FOXK1: variants seen among roughly 807,000 people sequenced by gnomAD.
FOXK1 encodes forkhead box protein K1.
A neutral mutation model predicts 51.9 loss-of-function variants in FOXK1; 19 were observed. That is an observed-to-expected ratio of 0.37 (90% CI 0.26 to 0.54). The LOEUF (loss-of-function observed/expected upper bound fraction) is 0.54. Among genes scored for constraint, FOXK1 ranks in the 20% least tolerant of loss-of-function variants. The probability of loss-of-function intolerance (pLI) is 0.87; values close to 1 mark genes in which losing one functional copy is unlikely to be tolerated. For synonymous variants in FOXK1, 537 were observed against 482.6 expected (o/e 1.11, Z -1.48); for missense variants, 870 against 1,032.7 (o/e 0.84, Z 2.16).
chr7:4,741,128 CACGTGCATGGAAATACAGAAAGT>C, intron 2 of FOXK1, 105 bp downstream of exon 2: 1 of 774,954 alleles, frequency 1.3e-6, no homozygotes, highest in South Asian at 2.3e-5. Context: ...TGGAAAGTTG[CACGTGCATGGAAATACAGAAAGT>C]GTTGTACGTC....
intron 1 of FOXK1, among the ~76,000 whole-genome samples, chr7:4,701,864 G>A (rs539749433): frequency 1.3e-5 from 2 of 152,384 alleles, no homozygotes; most frequent in East Asian, 3.9e-4. Flanking sequence ...CTGCACTCCA[G>A]CCTGGGCGAT....
intron 5 of FOXK1, among the ~76,000 whole-genome samples, chr7:4,757,487 G>A (rs1335849969): frequency 2.0e-5 from 3 of 151,370 alleles, no homozygotes; most frequent in Admixed American, 6.6e-5. Flanking sequence ...AAAATTAGTC[G>A]GGCATGGTGG....
In FOXK1 at chr7:4,747,464, A is replaced by C. The variant is rs529247129; in HGVS notation, c.746+6441A>C. ...CCAGGGCAAAGTGCACTTCAGAAAC[A>C]AGTTAATTTTATTTTCTAAATTATT... On this transcript the variant is annotated intron_variant, in intron 2 of 8. Transcript: ENST00000328914. This position sits in a 1 kb window ranked among gnomAD's most constrained non-coding sequence, Gnocchi z 9.2. Among the ~76,000 whole-genome samples the C allele has an allele frequency of 2.6e-5, 4 of 152,326 alleles. No homozygotes were observed. Among genetic ancestry groups the C allele is most frequent in the Non-Finnish European group, 5.9e-5 (4 of 68,022 alleles).
chr7:4,723,830 G>A lies in FOXK1; in HGVS notation c.561-17008G>A, dbSNP rs1470797985. On this transcript the variant is annotated intron_variant, in intron 1 of 8. Transcript: ENST00000328914. The surrounding 1 kb of genome is among the most constrained non-coding windows in gnomAD (Gnocchi z 4.7). ...CTACCAGTGTGCACCACCACACCTG[G>A]CTGACTTCTTTGTATTTTTGGTAAA... Among the ~76,000 whole-genome samples, 3 of 152,056 alleles carry A rather than the reference G, an allele frequency of 2.0e-5. No homozygotes were observed. Among genetic ancestry groups the A allele is most frequent in the African/African-American group, 7.2e-5 (3 of 41,402 alleles).
Position 4,733,341 on chromosome 7 carries a change from C to G in FOXK1, c.561-7497C>G, listed in dbSNP as rs1288276143. Among the ~76,000 whole-genome samples the G allele has an allele frequency of 6.6e-6, 1 of 152,190 alleles. No individual in the cohort carries two copies. The highest frequency in any genetic ancestry group is 1.5e-5 in the Non-Finnish European group (1 of 68,022). ...ACCCTACCCAGCCACACATGACCAT[C>G]TTAATGTCAGCTATGACCTGGAGGC... is the stretch of plus-strand genomic sequence containing the variant. On this transcript the variant is annotated intron_variant, in intron 1 of 8. Coordinates refer to ENST00000328914, the MANE Select transcript of FOXK1 (RefSeq NM_001037165.2). This position sits in a 1 kb window ranked among gnomAD's most constrained non-coding sequence, Gnocchi z 5.0.
In FOXK1 at chr7:4,729,981, C is replaced by G. The variant is rs140207217; in HGVS notation, c.561-10857C>G. On this transcript the variant is annotated intron_variant, in intron 1 of 8. Coordinates refer to ENST00000328914, the MANE Select transcript of FOXK1 (RefSeq NM_001037165.2). This position sits in a 1 kb window ranked among gnomAD's most constrained non-coding sequence, Gnocchi z 6.2. The stretch of plus-strand genomic sequence containing the variant: ...CTCCAGCCTGGGCGACAGAGCGAGA[C>G]TCTGTCGAAACAATTTAAATAAAAA... 6.6e-6 allele frequency among the ~76,000 whole-genome samples: 1 copy of G among 151,022 alleles called. No homozygotes were observed. The highest frequency in any genetic ancestry group is 6.6e-5 in the Admixed American group (1 of 15,230).
Position 4,761,329 on chromosome 7 carries a change from C to A in FOXK1, c.1921+41C>A, listed in dbSNP as rs1422079340. 1 of 1,570,052 alleles carries A rather than the reference C, an allele frequency of 6.4e-7. No homozygotes were observed. The highest frequency in any genetic ancestry group is 1.1e-5 in the South Asian group (1 of 88,812). On this transcript the variant is annotated intron_variant, in intron 8 of 8. Coordinates refer to ENST00000328914, the MANE Select transcript of FOXK1 (RefSeq NM_001037165.2). The surrounding 1 kb of genome is among the most constrained non-coding windows in gnomAD (Gnocchi z 6.2). The stretch of plus-strand genomic sequence containing the variant: ...TGTTCTCCATGCCACATCCCAAGCT[C>A]TGTGGCTCCCAGTAGTCAGTGCGGC...
At position 4,762,515 on chromosome 7, in the gene FOXK1, C is replaced by T. The variant is rs1422931474; in HGVS notation, c.*51C>T. On this transcript the variant is annotated 3_prime_UTR_variant, in exon 9 of 9. Coordinates refer to ENST00000328914, the MANE Select transcript of FOXK1 (RefSeq NM_001037165.2). This position sits in a 1 kb window ranked among gnomAD's most constrained non-coding sequence, Gnocchi z 5.7. ...GACTCACCCAGCGGCGACCCCGAAGCTGGACCCGGCAGCTCAGGCGGCCGC... is the reference window on the plus strand; with the variant it reads ...GACTCACCCAGCGGCGACCCCGAAGTTGGACCCGGCAGCTCAGGCGGCCGC... The T allele has an allele frequency of 6.7e-7, 1 of 1,497,234 alleles. No homozygotes were observed. Among genetic ancestry groups the T allele is most frequent in the Admixed American group, 2.1e-5 (1 of 46,726 alleles). The allele number at this position is 1,497,234 out of a possible 1,614,324, so 92.7% of individuals were successfully genotyped here. A position where few individuals can be genotyped will look rare whatever the true frequency, so the allele number is the denominator to read the frequency against.
chr7:4,698,580 A>T (rs1779981455), intron 1 of FOXK1, among the ~76,000 whole-genome samples: 1 of 151,816 alleles, frequency 6.6e-6, no homozygotes, highest in African/African-American at 2.4e-5. Flanking sequence ...TGAGATAGGG[A>T]CTCCCTGTGC....
chr7:4,724,115 G>A (rs184042487), intron 1 of FOXK1, among the ~76,000 whole-genome samples: 5 of 152,296 alleles, frequency 3.3e-5, no homozygotes, highest in East Asian at 3.9e-4. Context: ...GAATGGCTGC[G>A]CACCAGGCAG....
chr7:4,739,413 T>TTTTTG (rs1260059977), intron 1 of FOXK1, among the ~76,000 whole-genome samples: 2 of 151,940 alleles, frequency 1.3e-5, no homozygotes, highest in South Asian at 2.1e-4. Context: ...TTTGTTTTTG[T>TTTTTG]TTTTGTTTTG....
In FOXK1 at chr7:4,769,533, G is replaced by A. The variant is rs1583217939; in HGVS notation, c.*7069G>A. On this transcript the variant is annotated 3_prime_UTR_variant, in exon 9 of 9. Transcript: ENST00000328914. This position sits in a 1 kb window ranked among gnomAD's most constrained non-coding sequence, Gnocchi z 4.1. ...GGCTCACTGCAACCTCCGCCTCCCAGGTTCGAGCGAATTCTCCTGCCTCAA... is the reference window on the plus strand; with the variant it reads ...GGCTCACTGCAACCTCCGCCTCCCAAGTTCGAGCGAATTCTCCTGCCTCAA... 1 of 152,132 alleles carries A rather than the reference G, an allele frequency of 6.6e-6. No homozygotes were observed. The highest frequency in any genetic ancestry group is 1.9e-4 in the East Asian group (1 of 5,184). The allele number at this position is 152,132 out of a possible 1,614,324, so 9.4% of individuals were successfully genotyped here.
rs1412686602 is a variant in FOXK1 at position 4,762,376 on chromosome 7, C to T, written c.2114C>T (p.Ser705Phe). The T allele has an allele frequency of 6.5e-7, 1 of 1,550,078 alleles. No homozygotes were observed. The highest frequency in any genetic ancestry group is 8.7e-7 in the Non-Finnish European group (1 of 1,147,018). The change falls in exon 9 of 9, where the codon TCC becomes TTC. Residue 705 changes from serine to phenylalanine, a missense_variant. Around this residue, in one of 3 missense-constraint regions of FOXK1, gnomAD observed 457 missense variants for 510.8 expected, o/e 0.89. Transcript: ENST00000328914. This position sits in a 1 kb window ranked among gnomAD's most constrained non-coding sequence, Gnocchi z 5.7. ...SSTGEPEVKR[S>F]RVEEPSGAVT... ...ACTGGAGAGCCCGAGGTCAAAAGGT[C>T]CCGGGTGGAGGAGCCCAGTGGTGCT...
chr7:4,747,980 C>T lies in FOXK1; in HGVS notation c.747-6479C>T, dbSNP rs1260562482. On this transcript the variant is annotated intron_variant, in intron 2 of 8. Transcript: ENST00000328914. This position sits in a 1 kb window ranked among gnomAD's most constrained non-coding sequence, Gnocchi z 9.2. ...CCCACCTCAGCCGTGACTACAGGAG[C>T]AATCCACTAGTTAATTTTTAAAAAT... 6.6e-6 allele frequency among the ~76,000 whole-genome samples: 1 copy of T among 152,088 alleles called. No homozygotes were observed. Among genetic ancestry groups the T allele is most frequent in the African/African-American group, 2.4e-5 (1 of 41,372 alleles).
intron 1 of FOXK1, among the ~76,000 whole-genome samples, chr7:4,717,995 C>G (rs1404456553): frequency 6.6e-6 from 1 of 152,006 alleles, no homozygotes; most frequent in Non-Finnish European, 1.5e-5. Context: ...TTTTTACTCC[C>G]CCTGTGTGCC....
chr7:4,762,816 C>T lies in FOXK1; in HGVS notation c.*352C>T, dbSNP rs532301990. The stretch of plus-strand genomic sequence containing the variant: ...ATGTGTCAAGACAGCCCCTCCGCTC[C>T]GCGCTGCACGGCCAGCCGCCTTTGT... On this transcript the variant is annotated 3_prime_UTR_variant, in exon 9 of 9. Transcript: ENST00000328914. This position sits in a 1 kb window ranked among gnomAD's most constrained non-coding sequence, Gnocchi z 5.7. 172 of 240,076 alleles carry T rather than the reference C, an allele frequency of 7.2e-4. 1 individual carries two copies. Among genetic ancestry groups the T allele is most frequent in the African/African-American group, 3.4e-3 (151 of 44,264 alleles). The allele number at this position is 240,076 out of a possible 1,614,324, so 14.9% of individuals were successfully genotyped here. A position where few individuals can be genotyped will look rare whatever the true frequency, so the allele number is the denominator to read the frequency against.
intron 1 of FOXK1, among the ~76,000 whole-genome samples, chr7:4,727,926 G>A (rs548045229): frequency 1.5e-4 from 23 of 152,342 alleles, no homozygotes; most frequent in Non-Finnish European, 2.8e-4. Context: ...AAAAGCGGCC[G>A]GTAAAATGGA....
intron 1 of FOXK1, among the ~76,000 whole-genome samples, chr7:4,700,321 C>T (rs999962471): frequency 7.2e-5 from 11 of 152,170 alleles, no homozygotes; most frequent in African/African-American, 2.4e-4. Context: ...TAGGAGAGAT[C>T]TGAATGCAAA....
At chr7:4,727,738 A>G (rs1780399023) in intron 1 of FOXK1, among the ~76,000 whole-genome samples, 1 of 152,198 alleles carries the variant, frequency 6.6e-6, no homozygotes, top group Non-Finnish European at 1.5e-5. Flanking sequence ...CCTCGATGTC[A>G]CATCAGAGTG....
Sources: gnomAD v4.1 joint callset for allele counts (sites outside exome capture counted in the v4.1 genomes callset) on GRCh38, gnomAD v4.1.1 for gene constraint, gnomAD v4.1.1 regional missense constraint, Gnocchi (gnomAD v3.1) non-coding constraint, MANE v1.5 for transcripts, NCBI Gene and HGNC (gene_info 2026-07-23, HGNC 2026-07-21) for gene names.